Variants in DCDC2C observed in about 807,000 individuals in gnomAD.
DCDC2C encodes the protein doublecortin domain containing 2C.
A neutral mutation model predicts 45.0 loss-of-function variants in DCDC2C; 44 were observed. The observed-to-expected ratio is 0.98, with a 90% CI of 0.77 to 1.26. DCDC2C has a LOEUF of 1.26. Among genes scored for constraint, DCDC2C ranks in the 50% most tolerant of loss-of-function variants. DCDC2C has a pLI of 0.00. For synonymous variants in DCDC2C, 187 were observed against 178.8 expected, an observed-to-expected ratio of 1.05 and a Z score of -0.37; for missense variants, 447 against 468.9, an observed-to-expected ratio of 0.95 and a Z score of 0.43.
chr2:3,759,158 C>T (rs1047649587), intron 6 of DCDC2C, among the ~76,000 whole-genome samples: 2 of 152,178 alleles, frequency 1.3e-5, no homozygotes, highest in African/African-American at 2.4e-5. Context: ...ATCCTTCCCA[C>T]GCTGCATGCA....
intron 2 of DCDC2C, among the ~76,000 whole-genome samples, chr2:3,724,200 G>T: frequency 6.6e-6 from 1 of 152,306 alleles, no homozygotes; most frequent in Non-Finnish European, 1.5e-5. Context: ...ACGGTAAGAC[G>T]TAGAGCTGGG....
chr2:3,703,782 G>C lies in DCDC2C; in HGVS notation c.31G>C (p.Asp11His), dbSNP rs1217172680. MGTRGPSAPV[D>H]TTPAKTIVVY... Reference sequence around the variant, plus strand: ...AACCCGCGGGCCCTCCGCGCCGGTGGACACCACGCCCGCCAAGACCATCGT... The same window carrying C: ...AACCCGCGGGCCCTCCGCGCCGGTGCACACCACGCCCGCCAAGACCATCGT... Residue 11 changes from aspartate to histidine, a missense_variant, in exon 1 of 11, where the codon GAC (aspartate) becomes CAC (histidine). Coordinates refer to ENST00000399143, the MANE Select transcript of DCDC2C (RefSeq NM_001287444.2). This position sits in a 1 kb window ranked among gnomAD's most constrained non-coding sequence, Gnocchi z 4.4. 2 of 1,237,446 alleles carry C rather than the reference G, an allele frequency of 1.6e-6. No individual in the cohort carries two copies. The highest frequency in any genetic ancestry group is 8.5e-5 in the Admixed American group (2 of 23,658). 76.7% of individuals were successfully genotyped at this position (1,237,446 alleles called of 1,614,324 possible). A position where few individuals can be genotyped will look rare whatever the true frequency, so the allele number is the denominator to read the frequency against.
intron 1 of DCDC2C, 166 bp downstream of exon 1, chr2:3,704,204 G>C (rs982463406): frequency 3.3e-6 from 2 of 613,722 alleles, no homozygotes; most frequent in Non-Finnish European, 4.7e-6. Flanking sequence ...GCCGCCCCAG[G>C]CCACGTGGTT....
chr2:3,716,439 A>T (rs1668352931), intron 2 of DCDC2C, among the ~76,000 whole-genome samples: 1 of 152,184 alleles, frequency 6.6e-6, no homozygotes, highest in Admixed American at 6.5e-5. Context: ...GAAAAGGAAG[A>T]TGAAGACTGA....
chr2:3,837,139 C>T (rs548059827), intron 10 of DCDC2C, among the ~76,000 whole-genome samples: 89 of 152,268 alleles, frequency 5.8e-4, no homozygotes, highest in Non-Finnish European at 1.0e-3. Context: ...ATGAGGGCAC[C>T]ATGGAGCTCA....
At chr2:3,724,900 C>T (rs1016700362) in intron 2 of DCDC2C, among the ~76,000 whole-genome samples, 6 of 152,110 alleles carry the variant, frequency 3.9e-5, no homozygotes, top group South Asian at 4.1e-4. Context: ...GGGAGGGACA[C>T]GTTTGCCCCA....
At chr2:3,799,546 G>T (rs1671051547) in intron 10 of DCDC2C, among the ~76,000 whole-genome samples, 1 of 152,166 alleles carries the variant, frequency 6.6e-6, no homozygotes, top group African/African-American at 2.4e-5. Context: ...ATGGGTTTTT[G>T]GTGTGGATGT....
intron 10 of DCDC2C, among the ~76,000 whole-genome samples, chr2:3,845,026 T>C (rs541033057): frequency 7.2e-5 from 11 of 152,330 alleles, no homozygotes; most frequent in Non-Finnish European, 1.5e-4. Context: ...CCGATATAGG[T>C]ATATATATGC....
At chr2:3,731,245 A>C (rs939780103) in intron 3 of DCDC2C, among the ~76,000 whole-genome samples, 1 of 152,186 alleles carries the variant, frequency 6.6e-6, no homozygotes, top group African/African-American at 2.4e-5. Context: ...TCCAGAACCC[A>C]CTTAAGACGG....
intron 6 of DCDC2C, among the ~76,000 whole-genome samples, chr2:3,763,466 G>C (rs775066415): frequency 6.6e-5 from 10 of 152,158 alleles, no homozygotes; most frequent in Non-Finnish European, 1.0e-4. Context: ...GTAACTGAAG[G>C]CTCCTTGCCC....
At chr2:3,740,339 T>G (rs1015728942) in intron 3 of DCDC2C, among the ~76,000 whole-genome samples, 1 of 152,240 alleles carries the variant, frequency 6.6e-6, no homozygotes, top group Non-Finnish European at 1.5e-5. Flanking sequence ...GTGGGATGAC[T>G]GGGTTAGTGG....
intron 2 of DCDC2C, among the ~76,000 whole-genome samples, chr2:3,715,606 T>TCCATCCATCCATCCATC (rs1157499865): frequency 7.3e-4 from 100 of 136,820 alleles, no homozygotes; most frequent in Non-Finnish European, 1.2e-3. Context: ...ATCCATCCAT[T>TCCATCCATCCATCCATC]CATCCAATTT....
chr2:3,823,032 A>G (rs1409523719), intron 10 of DCDC2C, among the ~76,000 whole-genome samples: 1 of 152,200 alleles, frequency 6.6e-6, no homozygotes, highest in Non-Finnish European at 1.5e-5. Context: ...TTACCCAGGC[A>G]CATGGAACTG....
intron 2 of DCDC2C, among the ~76,000 whole-genome samples, chr2:3,724,748 G>A (rs2603148): frequency 0.48 from 73,223 of 151,956 alleles, 18,552 homozygotes; most frequent in South Asian, 0.66. Flanking sequence ...CAGGCATGAA[G>A]AGTTACTACC....
At chr2:3,769,089 G>T in intron 7 of DCDC2C, 1 of 500,492 alleles carries the variant, frequency 2.0e-6, no homozygotes, top group East Asian at 3.3e-5. Flanking sequence ...AAGCAGACGG[G>T]GCTAAAATCG....
At chr2:3,779,131 C>T (rs1670437810) in intron 9 of DCDC2C, among the ~76,000 whole-genome samples, 1 of 152,234 alleles carries the variant, frequency 6.6e-6, no homozygotes, top group African/African-American at 2.4e-5. Flanking sequence ...CGCTCTACTT[C>T]CAGTCACAAA....
intron 9 of DCDC2C, among the ~76,000 whole-genome samples, chr2:3,781,267 T>C (rs1302387947): frequency 6.6e-6 from 1 of 152,268 alleles, no homozygotes; most frequent in African/African-American, 2.4e-5. Context: ...CAATGAACTG[T>C]AGTTCACTTG....
intron 6 of DCDC2C, among the ~76,000 whole-genome samples, chr2:3,762,670 A>C (rs991933706): frequency 2.6e-5 from 4 of 152,156 alleles, no homozygotes; most frequent in Non-Finnish European, 5.9e-5. Context: ...ACATCAAGCT[A>C]TCAGAGGTCC....
intron 10 of DCDC2C, among the ~76,000 whole-genome samples, chr2:3,792,029 G>A (rs1670826185): frequency 6.6e-6 from 1 of 152,046 alleles, no homozygotes; most frequent in Non-Finnish European, 1.5e-5. Flanking sequence ...AATATTATCT[G>A]TTACAGAAAA....
Sources: allele counts gnomAD v4.1 joint callset (sites outside exome capture counted in the v4.1 genomes callset), GRCh38; gene constraint gnomAD v4.1.1; non-coding constraint Gnocchi (gnomAD v3.1); transcripts MANE v1.5; gene names NCBI Gene and HGNC (gene_info 2026-07-23, HGNC 2026-07-21).